The following WDR7 variants were observed in gnomAD, a reference collection of about 807,000 sequenced individuals.
The protein encoded by WDR7 is WD repeat domain 7.
WDR7 carries 46 observed loss-of-function variants against 169.4 expected under a neutral mutation model. The observed-to-expected ratio is 0.27, with a 90% CI of 0.21 to 0.35. WDR7 has a LOEUF of 0.35. Among genes scored for constraint, WDR7 ranks in the 10% least tolerant of loss-of-function variants. The pLI is 1.00. For synonymous variants in WDR7, 612 were observed against 666.8 expected (o/e 0.92, Z 1.27); for missense variants, 1,534 against 1,859.3 (o/e 0.83, Z 3.22).
chr18:56,660,727 A>G (rs1252436598), intron 1 of WDR7, among the ~76,000 whole-genome samples: 2 of 152,182 alleles, frequency 1.3e-5, no homozygotes, highest in African/African-American at 2.4e-5. Context: ...GAAAGTCAGG[A>G]AAAAGTGAAG....
chr18:56,939,077 T>C (rs1375992717), intron 24 of WDR7, among the ~76,000 whole-genome samples: 1 of 152,148 alleles, frequency 6.6e-6, no homozygotes, highest in East Asian at 1.9e-4. Flanking sequence ...GACTTTAAAC[T>C]AAACAAGTCT....
rs1211668341 is a variant in WDR7 at position 57,020,824 on chromosome 18, C to G, written c.4244C>G (p.Thr1415Ser). 1 of 1,614,226 alleles carries G rather than the reference C, an allele frequency of 6.2e-7. No homozygotes were observed. The highest frequency in any genetic ancestry group is 8.5e-7 in the Non-Finnish European group (1 of 1,180,028). Residue 1415 changes from threonine (T) to serine (S), a missense_variant, in exon 27 of 28, where the codon ACT becomes AGT. Thr to Ser is a moderately conservative substitution (Grantham distance 58). Transcript: ENST00000254442. Reference sequence around the variant, plus strand: ...AGATATCTTGCCACCTACTCAAACACTGACAGCCACATTTCTTTTTGGCAG... The same window carrying G: ...AGATATCTTGCCACCTACTCAAACAGTGACAGCCACATTTCTTTTTGGCAG... ...DGRYLATYSN[T>S]DSHISFWQMN... is the part of the protein sequence containing the mutation.
chr18:57,020,461 A>T (rs1296839463), intron 26 of WDR7, among the ~76,000 whole-genome samples: 1 of 152,178 alleles, frequency 6.6e-6, no homozygotes, highest in Non-Finnish European at 1.5e-5. Flanking sequence ...GAATTAGCAC[A>T]TTGGTTTGCC....
chr18:56,979,199 A>G (rs1456971360), intron 26 of WDR7, among the ~76,000 whole-genome samples: 1 of 152,120 alleles, frequency 6.6e-6, no homozygotes, highest in Non-Finnish European at 1.5e-5. Context: ...ATACTCCTAT[A>G]TTTGCTTTGA....
intron 21 of WDR7, among the ~76,000 whole-genome samples, chr18:56,889,942 G>A (rs567215997): frequency 3.3e-5 from 5 of 152,248 alleles, no homozygotes; most frequent in Admixed American, 1.3e-4. Flanking sequence ...TGAGTCTTTA[G>A]AAATACTACA....
intron 25 of WDR7, among the ~76,000 whole-genome samples, chr18:56,945,001 A>AT (rs1269122821): frequency 2.0e-5 from 3 of 150,954 alleles, no homozygotes; most frequent in African/African-American, 7.4e-5. Flanking sequence ...ATCATTGATT[A>AT]TTTTTTATAT....
At chr18:56,733,557 T>C (rs1345221966) in intron 14 of WDR7, among the ~76,000 whole-genome samples, 1 of 152,192 alleles carries the variant, frequency 6.6e-6, no homozygotes, top group Non-Finnish European at 1.5e-5. Flanking sequence ...CTGCTTTTTG[T>C]CTTGGTAACA....
intron 26 of WDR7, among the ~76,000 whole-genome samples, chr18:56,973,553 G>A (rs2047522821): frequency 6.6e-6 from 1 of 151,940 alleles, no homozygotes; most frequent in Non-Finnish European, 1.5e-5. Flanking sequence ...AGATAGAAGA[G>A]TCCTAGTACA....
At chr18:56,851,546 T>G (rs1464570542) in intron 20 of WDR7, among the ~76,000 whole-genome samples, 1 of 152,204 alleles carries the variant, frequency 6.6e-6, no homozygotes, top group East Asian at 1.9e-4. Context: ...GATTTTGATC[T>G]CATTGCATTT....
At chr18:56,900,006 A>C (rs1260104756) in intron 21 of WDR7, among the ~76,000 whole-genome samples, 1 of 151,076 alleles carries the variant, frequency 6.6e-6, no homozygotes. Flanking sequence ...TAAGCAAATA[A>C]GAGTACATCA....
At chr18:56,896,260 T>C (rs776111228) in intron 21 of WDR7, among the ~76,000 whole-genome samples, 10 of 151,844 alleles carry the variant, frequency 6.6e-5, no homozygotes, top group Non-Finnish European at 1.2e-4. Context: ...CATAAACTTA[T>C]TGATAGATTA....
chr18:56,691,361 GGTATGCAGCAA>G lies in WDR7; in HGVS notation c.863+4_863+14del. 6.3e-7 allele frequency: 1 copy of G among 1,582,572 alleles called. No homozygotes were observed. The highest frequency in any genetic ancestry group is 8.5e-7 in the Non-Finnish European group (1 of 1,172,056). Reference sequence around the variant, plus strand: ...AGTTATATTTACAAACTACCTGCCAGGTATGCAGCAAGTAATAAATTAGGACAGTCATCAAA... The same window carrying G: ...AGTTATATTTACAAACTACCTGCCAGGTAATAAATTAGGACAGTCATCAAA... On this transcript the variant is annotated splice_donor_variant and splice_donor_5th_base_variant and intron_variant, in intron 8 of 27. Transcript: ENST00000254442. LOFTEE classifies it high-confidence loss of function.
chr18:56,739,013 A>AT (rs150079134), intron 14 of WDR7, among the ~76,000 whole-genome samples: 36,099 of 148,296 alleles, frequency 0.24, 4,964 homozygotes, highest in Non-Finnish European at 0.32. Context: ...AGACTGCTGG[A>AT]TTTTTTTTTT....
intron 7 of WDR7, among the ~76,000 whole-genome samples, chr18:56,689,892 A>G (rs934268812): frequency 2.0e-5 from 3 of 148,990 alleles, no homozygotes; most frequent in Non-Finnish European, 3.0e-5. Flanking sequence ...TTTCTTGGCT[A>G]TAATTGTAGT....
chr18:56,787,297 T>C (rs1487075858), intron 19 of WDR7, among the ~76,000 whole-genome samples: 1 of 152,194 alleles, frequency 6.6e-6, no homozygotes, highest in African/African-American at 2.4e-5. Flanking sequence ...AATTATTTCT[T>C]GTACGTTGTA....
chr18:56,813,810 T>G (rs1260618911), intron 19 of WDR7, among the ~76,000 whole-genome samples: 1 of 152,158 alleles, frequency 6.6e-6, no homozygotes, highest in Non-Finnish European at 1.5e-5. Flanking sequence ...AAAGAACCAG[T>G]TTTAGCACAA....
the WDR7 span, chr18:57,035,901 AAGC>A: frequency 2.1e-4 from 32 of 152,264 alleles, no homozygotes; most frequent in African/African-American, 7.7e-4. Flanking sequence ...AGGAGGCTGA[AAGC>A]AGCCATTCCA....
intron 12 of WDR7, among the ~76,000 whole-genome samples, chr18:56,715,156 C>T (rs892005725): frequency 1.2e-4 from 19 of 152,036 alleles, no homozygotes; most frequent in African/African-American, 4.4e-4. Context: ...AATGAGAAAA[C>T]CTTTTTTCTT....
At chr18:56,887,801 T>G (rs1379506594) in intron 21 of WDR7, among the ~76,000 whole-genome samples, 1 of 152,196 alleles carries the variant, frequency 6.6e-6, no homozygotes, top group African/African-American at 2.4e-5. Context: ...CTTGCTCTCC[T>G]GTTTGAAAAC....
Sources: allele counts gnomAD v4.1 joint callset (sites outside exome capture counted in the v4.1 genomes callset), GRCh38; gene constraint gnomAD v4.1.1; transcripts MANE v1.5; gene names NCBI Gene and HGNC (gene_info 2026-07-23, HGNC 2026-07-21).